SGCD: variants seen among roughly 807,000 people sequenced by gnomAD.
The protein encoded by SGCD is sarcoglycan delta.
SGCD carries 18 observed loss-of-function variants against 36.6 expected under a neutral mutation model. The observed-to-expected ratio is 0.49, with a 90% confidence interval of 0.34 to 0.73. The LOEUF (loss-of-function observed/expected upper bound fraction) is 0.73, where lower values mean the gene tolerates loss of function less well. Among genes scored for constraint, SGCD ranks in the 30% least tolerant of loss-of-function variants. The pLI is 0.01. For missense variants in SGCD, 387 were observed against 346.7 expected (o/e 1.12, Z -0.92); for synonymous variants, 133 against 130.6 (o/e 1.02, Z -0.12).
At chr5:155,844,653 T>C in the SGCD span, among the ~76,000 whole-genome samples, 9 of 152,334 alleles carry the variant, frequency 5.9e-5, no homozygotes. Flanking sequence ...TAAAACTTAA[T>C]TGAGGAAGCT....
chr5:156,043,215 C>G (rs1759681402), intron 1 of SGCD, among the ~76,000 whole-genome samples: 1 of 152,138 alleles, frequency 6.6e-6, no homozygotes, highest in South Asian at 2.1e-4. Flanking sequence ...CATGAAGCTT[C>G]CCATGTTGCT....
At chr5:156,690,745 G>C (rs1330281607) in intron 7 of SGCD, among the ~76,000 whole-genome samples, 1 of 152,130 alleles carries the variant, frequency 6.6e-6, no homozygotes, top group Non-Finnish European at 1.5e-5. Flanking sequence ...AGCACAGAAA[G>C]GAGAAAATCA....
chr5:156,415,818 T>C (rs1010517930), intron 3 of SGCD, among the ~76,000 whole-genome samples: 9 of 152,202 alleles, frequency 5.9e-5, no homozygotes, highest in African/African-American at 2.2e-4. Context: ...AAATAGGGGT[T>C]AAATAGGGCA....
chr5:156,465,743 T>C lies in SGCD; in HGVS notation c.193-42858T>C, dbSNP rs1754694532. Among the ~76,000 whole-genome samples the C allele has an allele frequency of 2.0e-5, 3 of 152,174 alleles. No individual in the cohort carries two copies. In the South Asian group the frequency reaches 6.2e-4, roughly 32 times the overall value. On this transcript the variant is annotated intron_variant, in intron 3 of 8. Coordinates refer to ENST00000337851, the MANE Select transcript of SGCD (RefSeq NM_000337.6). Reference sequence around the variant, plus strand: ...TTCAGGCTCGTTCCAATTGAATCAATTCAAAGCCTTTATCTAAAAACAAAC... The same window carrying C: ...TTCAGGCTCGTTCCAATTGAATCAACTCAAAGCCTTTATCTAAAAACAAAC...
chr5:156,747,701 T>G (rs1295196434), intron 7 of SGCD, among the ~76,000 whole-genome samples: 2 of 152,086 alleles, frequency 1.3e-5, no homozygotes, highest in African/African-American at 4.8e-5. Context: ...ATAAGTGATA[T>G]CCCACTAATT....
chr5:155,972,893 C>G (rs1030381230), intron 1 of SGCD, among the ~76,000 whole-genome samples: 3 of 152,134 alleles, frequency 2.0e-5, no homozygotes, highest in African/African-American at 7.2e-5. Context: ...GCCCCTTGCC[C>G]ATTTTTCAAT....
At chr5:156,524,114 A>AAAAC (rs1561754017) in intron 4 of SGCD, among the ~76,000 whole-genome samples, 31 of 49,708 alleles carry the variant, frequency 6.2e-4, no homozygotes, top group Non-Finnish European at 1.1e-3. Context: ...ATATATATAT[A>AAAAC]TATATATATA....
intron 6 of SGCD, among the ~76,000 whole-genome samples, chr5:156,628,910 C>T (rs773282610): frequency 6.6e-6 from 1 of 152,046 alleles, no homozygotes; most frequent in African/African-American, 2.4e-5. Flanking sequence ...CCTCACTGCA[C>T]CTTATGAGTG....
At chr5:155,917,481 G>C (rs1260664498) in intron 1 of SGCD, among the ~76,000 whole-genome samples, 1 of 152,152 alleles carries the variant, frequency 6.6e-6, no homozygotes, top group Non-Finnish European at 1.5e-5. Context: ...AATAGTATGA[G>C]TGAGTAAAGT....
chr5:156,512,587 T>C (rs949361241), intron 4 of SGCD, among the ~76,000 whole-genome samples: 2 of 152,234 alleles, frequency 1.3e-5, no homozygotes, highest in Non-Finnish European at 2.9e-5. Context: ...ATGCCTATAT[T>C]GTTTATTTTG....
the SGCD span, among the ~76,000 whole-genome samples, chr5:155,815,168 C>T: frequency 6.6e-6 from 1 of 152,116 alleles, no homozygotes; most frequent in South Asian, 2.1e-4. Context: ...CTGGAATATA[C>T]ATTTAAGGGT....
At chr5:156,061,672 ATTG>A (rs903914587) in intron 1 of SGCD, among the ~76,000 whole-genome samples, 2 of 146,054 alleles carry the variant, frequency 1.4e-5, no homozygotes, top group East Asian at 1.9e-4. Flanking sequence ...ACAATGCACA[ATTG>A]TTGTTAATTA....
chr5:155,857,382 A>C, the SGCD span, among the ~76,000 whole-genome samples: 1 of 152,216 alleles, frequency 6.6e-6, no homozygotes. Flanking sequence ...ATTGGAAGCA[A>C]CTCAAATTCC....
chr5:156,755,895 T>C (rs758647442), intron 7 of SGCD, among the ~76,000 whole-genome samples: 13 of 152,176 alleles, frequency 8.5e-5, no homozygotes, highest in Non-Finnish European at 1.5e-4. Flanking sequence ...CTCAGGAACC[T>C]AGACCTGAAA....
intron 1 of SGCD, among the ~76,000 whole-genome samples, chr5:156,020,711 C>T (rs957264061): frequency 6.6e-6 from 1 of 152,142 alleles, no homozygotes; most frequent in African/African-American, 2.4e-5. Context: ...GAAGGTAGAA[C>T]GAATTATTAT....
intron 3 of SGCD, among the ~76,000 whole-genome samples, chr5:156,487,581 A>G (rs1755730814): frequency 6.6e-6 from 1 of 151,922 alleles, no homozygotes; most frequent in Admixed American, 6.6e-5. Flanking sequence ...CGAGGTCAGA[A>G]GTTCAAGACC....
intron 3 of SGCD, among the ~76,000 whole-genome samples, chr5:156,141,254 G>T (rs1245224548): frequency 6.6e-6 from 1 of 152,104 alleles, no homozygotes; most frequent in Non-Finnish European, 1.5e-5. Flanking sequence ...TCCCTACTAG[G>T]ACGGTGCCTA....
chr5:156,423,384 TAA>T (rs1773501551), intron 3 of SGCD, among the ~76,000 whole-genome samples: 1 of 99,390 alleles, frequency 1.0e-5, no homozygotes, highest in Non-Finnish European at 1.9e-5. Context: ...TATTATAATA[TAA>T]TATATTATAT....
chr5:156,141,230 G>C (rs1762571338), intron 3 of SGCD, among the ~76,000 whole-genome samples: 1 of 152,206 alleles, frequency 6.6e-6, no homozygotes, highest in Admixed American at 6.5e-5. Flanking sequence ...CACAGGGGCG[G>C]GAAGGCAAGA....
Sources: allele counts gnomAD v4.1 joint callset (sites outside exome capture counted in the v4.1 genomes callset), GRCh38; gene constraint gnomAD v4.1.1; transcripts MANE v1.5; gene names NCBI Gene and HGNC (gene_info 2026-07-23, HGNC 2026-07-21).